The following MAN1A2 variants were observed in gnomAD, a reference collection of about 807,000 sequenced individuals.
The protein encoded by MAN1A2 is mannosyl-oligosaccharide 1,2-alpha-mannosidase IB.
In MAN1A2, 26 loss-of-function variants were observed where a neutral mutation model predicts 75.7. The ratio of observed to expected loss-of-function variants is 0.34; its 90% CI spans 0.25 to 0.48. The LOEUF is 0.48. Among genes scored for constraint, MAN1A2 ranks in the 20% least tolerant of loss-of-function variants. The pLI is 0.99. For synonymous variants in MAN1A2, 247 were observed against 264.6 expected (o/e 0.93, Z 0.65); for missense variants, 562 against 775.5 (o/e 0.72, Z 3.27).
intron 6 of MAN1A2, among the ~76,000 whole-genome samples, chr1:117,452,700 G>T (rs995195411): frequency 6.6e-6 from 1 of 152,320 alleles, no homozygotes; most frequent in African/African-American, 2.4e-5. Context: ...AAAGAAGGAA[G>T]CTGTCTCCAA....
At chr1:117,472,210 C>G (rs1650182044) in intron 8 of MAN1A2, among the ~76,000 whole-genome samples, 1 of 151,772 alleles carries the variant, frequency 6.6e-6, no homozygotes, top group Non-Finnish European at 1.5e-5. Flanking sequence ...GTCCTCTTAT[C>G]AATAAATTCC....
chr1:117,516,405 A>G (rs1026659935), intron 12 of MAN1A2, among the ~76,000 whole-genome samples: 1 of 152,172 alleles, frequency 6.6e-6, no homozygotes, highest in Non-Finnish European at 1.5e-5. Context: ...AAGGATTTCT[A>G]AGAACAAGTT....
intron 6 of MAN1A2, among the ~76,000 whole-genome samples, chr1:117,448,630 T>C (rs968538154): frequency 1.3e-5 from 2 of 152,152 alleles, no homozygotes; most frequent in Non-Finnish European, 2.9e-5. Flanking sequence ...ATCAGTGAGC[T>C]TGAAGACAAA....
intron 8 of MAN1A2, among the ~76,000 whole-genome samples, chr1:117,478,498 C>A (rs1331327835): frequency 1.3e-5 from 2 of 151,906 alleles, no homozygotes; most frequent in African/African-American, 4.8e-5. Flanking sequence ...TCAAGCACGC[C>A]TAACCCAAGC....
chr1:117,479,353 G>T lies in MAN1A2; in HGVS notation c.1168+12926G>T, dbSNP rs116159176. ...TCTTTATGCAGTGTATTATTAATGG[G>T]CATTTAGGTTGATTCCATGTCTTCA... is the stretch of plus-strand genomic sequence containing the variant. On this transcript the variant is annotated intron_variant, in intron 8 of 12. Transcript: ENST00000356554. 8.1e-3 allele frequency among the ~76,000 whole-genome samples: 1,230 copies of T among 151,878 alleles called. 27 individuals are homozygous for T. Among genetic ancestry groups the T allele is most frequent in the African/African-American group, 0.028 (1,177 of 41,450 alleles).
At chr1:117,414,688 A>T in intron 3 of MAN1A2, 25 bp from the exon 4 acceptor site, 1 of 1,217,494 alleles carries the variant, frequency 8.2e-7, no homozygotes, top group Non-Finnish European at 1.2e-6. Flanking sequence ...CTTTTTAATG[A>T]TAATTTTTTT....
intron 3 of MAN1A2, among the ~76,000 whole-genome samples, chr1:117,406,037 T>A (rs1045060193): frequency 2.6e-5 from 4 of 152,092 alleles, no homozygotes; most frequent in Non-Finnish European, 5.9e-5. Context: ...GTACATTTTT[T>A]AAAAAAGTGA....
intron 12 of MAN1A2, among the ~76,000 whole-genome samples, chr1:117,511,691 A>G (rs577308747): frequency 1.3e-5 from 2 of 152,132 alleles, no homozygotes; most frequent in East Asian, 1.9e-4. Context: ...GTTTTTAATT[A>G]TATCATTTTA....
intron 5 of MAN1A2, among the ~76,000 whole-genome samples, chr1:117,441,925 C>G (rs918466433): frequency 1.3e-5 from 2 of 152,190 alleles, no homozygotes; most frequent in African/African-American, 4.8e-5. Flanking sequence ...GATGAAAAGT[C>G]CATAGCCTAA....
chr1:117,429,297 C>T (rs1308838044), intron 5 of MAN1A2, among the ~76,000 whole-genome samples: 8 of 139,828 alleles, frequency 5.7e-5, no homozygotes, highest in Non-Finnish European at 9.6e-5. Context: ...CATCCTGGCC[C>T]GTTCTCAGTG....
chr1:117,491,484 A>G (rs532937448), intron 8 of MAN1A2, among the ~76,000 whole-genome samples: 34 of 146,976 alleles, frequency 2.3e-4, no homozygotes, highest in Middle Eastern at 6.9e-3. Flanking sequence ...CTCTTTCAAA[A>G]TATTACTGCT....
chr1:117,461,131 A>G (rs778397994), intron 7 of MAN1A2, among the ~76,000 whole-genome samples: 5 of 152,232 alleles, frequency 3.3e-5, no homozygotes, highest in Non-Finnish European at 7.3e-5. Flanking sequence ...TTTTGCAAAA[A>G]GATATCTTAT....
intron 1 of MAN1A2, among the ~76,000 whole-genome samples, chr1:117,387,232 AAAAC>A (rs1449975400): frequency 6.6e-6 from 1 of 151,820 alleles, no homozygotes; most frequent in Non-Finnish European, 1.5e-5. Flanking sequence ...AAAAAAAAAA[AAAAC>A]AAAGTAACAG....
intron 1 of MAN1A2, among the ~76,000 whole-genome samples, chr1:117,392,864 G>T (rs953514087): frequency 1.3e-5 from 2 of 152,230 alleles, no homozygotes; most frequent in Non-Finnish European, 2.9e-5. Context: ...GGTGCCACAT[G>T]ACCAAAGTAA....
At chr1:117,477,573 G>A (rs1421931343) in intron 8 of MAN1A2, among the ~76,000 whole-genome samples, 1 of 151,842 alleles carries the variant, frequency 6.6e-6, no homozygotes, top group Non-Finnish European at 1.5e-5. Flanking sequence ...AAAGGCCTTC[G>A]ACAAAATTCA....
intron 8 of MAN1A2, among the ~76,000 whole-genome samples, chr1:117,490,059 A>G (rs1271886756): frequency 1.3e-5 from 2 of 151,994 alleles, no homozygotes; most frequent in African/African-American, 4.8e-5. Flanking sequence ...CTGTAGTGTC[A>G]AATTGGATAG....
chr1:117,402,510 A>T, intron 2 of MAN1A2, 69 bp downstream of exon 2: 1 of 1,392,430 alleles, frequency 7.2e-7, no homozygotes, highest in Non-Finnish European at 9.7e-7. Context: ...AATATATATA[A>T]TCTATGGTAT....
chr1:117,480,005 T>C (rs564522132), intron 8 of MAN1A2, among the ~76,000 whole-genome samples: 4 of 152,054 alleles, frequency 2.6e-5, no homozygotes, highest in African/African-American at 7.2e-5. Context: ...CTGTGAATTA[T>C]GAATTTTTCT....
At chr1:117,373,555 A>G (rs1001650791) in intron 1 of MAN1A2, among the ~76,000 whole-genome samples, 2 of 144,998 alleles carry the variant, frequency 1.4e-5, no homozygotes, top group South Asian at 2.1e-4. Context: ...ACAGTTCACT[A>G]TAGTCTCAAA....
Sources: gnomAD v4.1 joint callset for allele counts (sites outside exome capture counted in the v4.1 genomes callset) on GRCh38, gnomAD v4.1.1 for gene constraint, MANE v1.5 for transcripts, NCBI Gene and HGNC (gene_info 2026-07-23, HGNC 2026-07-21) for gene names.